The following ADAM10 variants were observed in gnomAD, a reference collection of about 807,000 sequenced individuals.
ADAM10 encodes disintegrin and metalloproteinase domain-containing protein 10.
ADAM10 carries 17 observed loss-of-function variants against 90.1 expected under a neutral mutation model. The observed-to-expected ratio is 0.19, with a 90% confidence interval of 0.13 to 0.28. ADAM10 has a LOEUF of 0.28. Among genes scored for constraint, ADAM10 ranks in the 10% least tolerant of loss-of-function variants. ADAM10 has a pLI of 1.00. For missense variants in ADAM10, 610 were observed against 914.3 expected (o/e 0.67, Z 4.29); for synonymous variants, 310 against 298.6 (o/e 1.04, Z -0.40).
At chr15:58,633,544 T>G (rs1465895768) in intron 8 of ADAM10, among the ~76,000 whole-genome samples, 185 bp from the exon 9 acceptor site, 1 of 152,228 alleles carries the variant, frequency 6.6e-6, no homozygotes, top group Non-Finnish European at 1.5e-5. Context: ...TATAAAAGTT[T>G]TAATGACATT....
intron 11 of ADAM10, 77 bp from the exon 12 acceptor site, chr15:58,612,068 C>T: frequency 1.5e-6 from 2 of 1,373,210 alleles, no homozygotes; most frequent in South Asian, 2.4e-5. Flanking sequence ...TAGATTAGAT[C>T]CACATTATTA....
chr15:58,692,006 C>T, intron 2 of ADAM10: 1 of 456,856 alleles, frequency 2.2e-6, no homozygotes, highest in South Asian at 1.5e-5. Flanking sequence ...TTGCAAATGA[C>T]TTCCAAGATT....
Position 58,749,465 on chromosome 15 carries a change from G to C in ADAM10, c.55+15C>G. On this transcript the variant is annotated intron_variant, in intron 1 of 15. Transcript: ENST00000260408. ...CGTGGTCGCGGCGCCCCCGGCGCTCGCAGTCGTGCCTCACCTCCCATCCCC... is the reference window on the plus strand; with the variant it reads ...CGTGGTCGCGGCGCCCCCGGCGCTCCCAGTCGTGCCTCACCTCCCATCCCC... 6.5e-7 allele frequency: 1 copy of C among 1,529,478 alleles called. No individual in the cohort carries two copies. Among genetic ancestry groups the C allele is most frequent in the Non-Finnish European group, 8.8e-7 (1 of 1,136,676 alleles). The allele number at this position is 1,529,478 out of a possible 1,614,324, so 94.7% of individuals were successfully genotyped here. A position where few individuals can be genotyped will look rare whatever the true frequency, so the allele number is the denominator to read the frequency against.
intron 11 of ADAM10, among the ~76,000 whole-genome samples, chr15:58,618,249 G>A (rs1235463963): frequency 2.9e-5 from 4 of 139,076 alleles, no homozygotes; most frequent in Admixed American, 2.9e-4. Context: ...TTTTCGAGGT[G>A]ATTTTTGAAC....
intron 1 of ADAM10, among the ~76,000 whole-genome samples, chr15:58,734,107 C>T (rs1467745604): frequency 2.6e-5 from 4 of 151,930 alleles, no homozygotes; most frequent in Non-Finnish European, 5.9e-5. Flanking sequence ...TTAAAAGTAT[C>T]CTAATTTCTT....
intron 14 of ADAM10, among the ~76,000 whole-genome samples, chr15:58,600,926 T>C (rs968090827): frequency 6.6e-6 from 1 of 152,150 alleles, no homozygotes; most frequent in Non-Finnish European, 1.5e-5. Flanking sequence ...ACAAACTGGG[T>C]ACTACTTCTA....
chr15:58,635,274 C>CA (rs58106236), intron 8 of ADAM10, among the ~76,000 whole-genome samples: 6,978 of 65,640 alleles, frequency 0.11, 874 homozygotes, highest in African/African-American at 0.22. Context: ...GACTCTGTCT[C>CA]AAAAAAAAAA....
intron 4 of ADAM10, 66 bp from the exon 5 acceptor site, chr15:58,665,263 T>C: frequency 1.6e-6 from 2 of 1,260,806 alleles, no homozygotes; most frequent in Non-Finnish European, 2.3e-6. Context: ...TAAATGAGAA[T>C]TACAAGTAAA....
chr15:58,690,245 G>A (rs761454594), intron 2 of ADAM10, among the ~76,000 whole-genome samples: 4 of 152,040 alleles, frequency 2.6e-5, no homozygotes, highest in African/African-American at 4.8e-5. Context: ...TCCTTAACCC[G>A]ATAAAATGCA....
At chr15:58,669,184 G>C (rs551113411) in intron 4 of ADAM10, among the ~76,000 whole-genome samples, 1 of 152,142 alleles carries the variant, frequency 6.6e-6, no homozygotes, top group African/African-American at 2.4e-5. Flanking sequence ...CAGTCTAGCT[G>C]AGGTGTCTGA....
At chr15:58,648,404 T>C (rs186786690) in intron 5 of ADAM10, among the ~76,000 whole-genome samples, 2 of 152,326 alleles carry the variant, frequency 1.3e-5, no homozygotes, top group East Asian at 3.9e-4. Flanking sequence ...AAATGCAGTT[T>C]ATATTTACAA....
intron 2 of ADAM10, among the ~76,000 whole-genome samples, chr15:58,696,773 T>C (rs1387382514): frequency 6.6e-6 from 1 of 152,068 alleles, no homozygotes; most frequent in Non-Finnish European, 1.5e-5. Flanking sequence ...CCAATATCGA[T>C]TTCATAATAA....
intron 1 of ADAM10, among the ~76,000 whole-genome samples, chr15:58,739,606 G>A (rs768038836): frequency 8.6e-5 from 13 of 151,890 alleles, no homozygotes; most frequent in Admixed American, 2.6e-4. Flanking sequence ...TCTGATTTCC[G>A]AACCAATTTA....
chr15:58,692,092 G>A (rs754584680), intron 2 of ADAM10: 4 of 483,180 alleles, frequency 8.3e-6, no homozygotes, highest in Admixed American at 2.3e-5. Flanking sequence ...GGACAAAGCC[G>A]ACATACTCTG....
At chr15:58,705,775 C>T (rs891998362) in intron 2 of ADAM10, among the ~76,000 whole-genome samples, 1 of 152,178 alleles carries the variant, frequency 6.6e-6, no homozygotes, top group Non-Finnish European at 1.5e-5. Context: ...CACATTGTTT[C>T]AGTTATCCAC....
intron 2 of ADAM10, among the ~76,000 whole-genome samples, chr15:58,684,911 T>C (rs1169340059): frequency 6.6e-6 from 1 of 152,188 alleles, no homozygotes; most frequent in Non-Finnish European, 1.5e-5. Flanking sequence ...CGCTGAATTG[T>C]TGAACACCCA....
chr15:58,728,912 G>C (rs549250838), intron 1 of ADAM10, among the ~76,000 whole-genome samples: 1 of 152,282 alleles, frequency 6.6e-6, no homozygotes, highest in East Asian at 1.9e-4. Flanking sequence ...GGAAATAAAA[G>C]ATTAAATGAC....
At chr15:58,740,768 G>C (rs1479392507) in intron 1 of ADAM10, among the ~76,000 whole-genome samples, 10 of 152,146 alleles carry the variant, frequency 6.6e-5, no homozygotes, top group South Asian at 2.1e-4. Flanking sequence ...ATTCGTAATA[G>C]GCATTTTAAA....
At chr15:58,649,301 A>C (rs1896627631) in intron 5 of ADAM10, among the ~76,000 whole-genome samples, 1 of 152,176 alleles carries the variant, frequency 6.6e-6, no homozygotes, top group African/African-American at 2.4e-5. Flanking sequence ...CACTTAAATT[A>C]CATTTTTCTC....
Sources: allele counts gnomAD v4.1 joint callset (sites outside exome capture counted in the v4.1 genomes callset), GRCh38; gene constraint gnomAD v4.1.1; transcripts MANE v1.5; gene names NCBI Gene and HGNC (gene_info 2026-07-23, HGNC 2026-07-21).